Variants in DLGAP2 observed in about 807,000 individuals in gnomAD.
The protein encoded by DLGAP2 is disks large-associated protein 2.
A neutral mutation model predicts 100.3 loss-of-function variants in DLGAP2; 26 were observed. The ratio of observed to expected loss-of-function variants is 0.26; its 90% CI spans 0.19 to 0.36. DLGAP2 has a LOEUF of 0.36. DLGAP2 is among the 10% of genes least tolerant of loss of function. The pLI is 1.00. For synonymous variants in DLGAP2, 886 were observed against 630.1 expected (o/e 1.41, Z -6.08); for missense variants, 1,858 against 1,453.2 (o/e 1.28, Z -4.53).
chr8:783,243 C>G (rs553373299), intron 1 of DLGAP2, among the ~76,000 whole-genome samples: 2 of 152,294 alleles, frequency 1.3e-5, no homozygotes, highest in African/African-American at 4.8e-5. Context: ...CTTCATTGCT[C>G]AGAAATACTA....
chr8:1,483,773 G>A (rs1286119463), intron 3 of DLGAP2, among the ~76,000 whole-genome samples: 3 of 151,868 alleles, frequency 2.0e-5, no homozygotes, highest in Non-Finnish European at 4.4e-5. Flanking sequence ...CAGGACATGG[G>A]GACCAGGGAG....
chr8:1,494,384 C>A (rs369829257), intron 3 of DLGAP2, among the ~76,000 whole-genome samples: 1 of 152,298 alleles, frequency 6.6e-6, no homozygotes, highest in East Asian at 1.9e-4. Context: ...GCATTTCCTC[C>A]TCTTTCTTCC....
rs1342495289 is a variant in DLGAP2 at position 1,703,471 on chromosome 8, G to C, written c.*2065G>C. 6.6e-6 allele frequency: 1 copy of C among 152,408 alleles called. No homozygotes were observed. The highest frequency in any genetic ancestry group is 1.5e-5 in the Non-Finnish European group (1 of 68,026). The allele number at this position is 152,408 out of a possible 1,614,324, so 9.4% of individuals were successfully genotyped here. A position where few individuals can be genotyped will look rare whatever the true frequency, so the allele number is the denominator to read the frequency against. ...TAAAACAAATGTATTTGCGAGTATT[G>C]GCATTTTAGACTTTAAAAATGCTGT... On this transcript the variant is annotated 3_prime_UTR_variant, in exon 15 of 15. Transcript: ENST00000637795.
chr8:1,096,312 A>G (rs1312671455), intron 2 of DLGAP2, among the ~76,000 whole-genome samples: 2 of 152,238 alleles, frequency 1.3e-5, no homozygotes, highest in African/African-American at 4.8e-5. Flanking sequence ...ACTTGGATGC[A>G]GGAGGTTTGT....
At chr8:845,494 C>A (rs1196322021) in intron 1 of DLGAP2, among the ~76,000 whole-genome samples, 2 of 152,084 alleles carry the variant, frequency 1.3e-5, no homozygotes, top group African/African-American at 4.8e-5. Context: ...GATCCTTTGC[C>A]CATTTTAAAC....
chr8:1,178,763 T>C (rs2116696831), intron 2 of DLGAP2, among the ~76,000 whole-genome samples: 1 of 152,320 alleles, frequency 6.6e-6, no homozygotes, highest in East Asian at 1.9e-4. Context: ...TTACCTGCAA[T>C]GATTCTCTGC....
At chr8:1,096,299 G>A (rs1469822459) in intron 2 of DLGAP2, among the ~76,000 whole-genome samples, 1 of 152,204 alleles carries the variant, frequency 6.6e-6, no homozygotes, top group Non-Finnish European at 1.5e-5. Flanking sequence ...CTCTCCCAAG[G>A]AAACTTGGAT....
intron 2 of DLGAP2, among the ~76,000 whole-genome samples, chr8:1,093,272 C>T (rs1197730284): frequency 1.3e-5 from 2 of 151,650 alleles, no homozygotes; most frequent in African/African-American, 4.8e-5. Context: ...AACACCTTCA[C>T]ACCCACAGCC....
At chr8:1,423,438 C>T (rs1030028122) in intron 3 of DLGAP2, among the ~76,000 whole-genome samples, 24 of 152,192 alleles carry the variant, frequency 1.6e-4, no homozygotes, top group African/African-American at 5.6e-4. Flanking sequence ...CTTTGTGCTC[C>T]GCGAGGTCTG....
intron 3 of DLGAP2, among the ~76,000 whole-genome samples, chr8:1,394,209 C>A (rs796566001): frequency 7.1e-4 from 2 of 2,802 alleles, no homozygotes; most frequent in African/African-American, 3.5e-3. Flanking sequence ...ACTGAGCGCC[C>A]CCTCCTCGTC....
rs566300493 is a variant in DLGAP2, at chr8:856,648, A to G, written c.19-51264A>G. 4.6e-5 allele frequency among the ~76,000 whole-genome samples: 7 copies of G among 152,374 alleles called. No homozygotes were observed. In the South Asian group the frequency reaches 1.0e-3, roughly 23 times the overall value. On this transcript the variant is annotated intron_variant, in intron 1 of 14. Transcript: ENST00000637795. ...TACATTAGTACCAAAAAAATGTAAA[A>G]TGCTTAAGTAAAAGTTGAACAAAAT...
chr8:1,518,665 C>G (rs1800481331), intron 4 of DLGAP2, among the ~76,000 whole-genome samples: 1 of 152,124 alleles, frequency 6.6e-6, no homozygotes, highest in Non-Finnish European at 1.5e-5. Flanking sequence ...GTTCTCCCTG[C>G]CATGGACAAT....
chr8:1,451,979 A>G (rs1207798114), intron 3 of DLGAP2, among the ~76,000 whole-genome samples: 2 of 152,260 alleles, frequency 1.3e-5, no homozygotes, highest in African/African-American at 2.4e-5. Context: ...TAAAACGACA[A>G]CAAAATCTAG....
intron 3 of DLGAP2, among the ~76,000 whole-genome samples, chr8:1,303,073 G>A (rs1040131463): frequency 6.6e-6 from 1 of 152,166 alleles, no homozygotes; most frequent in Non-Finnish European, 1.5e-5. Context: ...GGGAGCGAGC[G>A]TCCTTGGAAG....
At chr8:1,431,457 C>A (rs1797435371) in intron 3 of DLGAP2, among the ~76,000 whole-genome samples, 1 of 152,160 alleles carries the variant, frequency 6.6e-6, no homozygotes, top group Non-Finnish European at 1.5e-5. Flanking sequence ...AGACTCTACC[C>A]GTGGGCAAAG....
intron 6 of DLGAP2, among the ~76,000 whole-genome samples, chr8:1,584,429 G>A (rs1796049460): frequency 6.6e-6 from 1 of 152,152 alleles, no homozygotes; most frequent in African/African-American, 2.4e-5. Flanking sequence ...TCAGTTAATA[G>A]GAAGCCATAT....
In DLGAP2 at chr8:990,234, G is replaced by T. The variant is rs543106732; in HGVS notation, c.73+82268G>T. On this transcript the variant is annotated intron_variant, in intron 2 of 14. Transcript: ENST00000637795. ...TTTTCACCTGTTATATTTGTGTCGT[G>T]ATGTTGCCATGTGGGTGCCCAAGTC... 4.6e-5 allele frequency among the ~76,000 whole-genome samples: 7 copies of T among 152,058 alleles called. No individual in the cohort carries two copies. In the South Asian group the frequency reaches 1.5e-3, roughly 32 times the overall value.
chr8:1,581,862 A>G (rs1166637869), intron 6 of DLGAP2, among the ~76,000 whole-genome samples: 3 of 150,958 alleles, frequency 2.0e-5, no homozygotes, highest in Non-Finnish European at 4.4e-5. Context: ...ACCCCCACAC[A>G]TATATACACA....
intron 2 of DLGAP2, among the ~76,000 whole-genome samples, chr8:1,199,930 G>T (rs576400766): frequency 1.6e-3 from 222 of 141,480 alleles, no homozygotes; most frequent in Middle Eastern, 4.0e-3. Flanking sequence ...CCACGAGGTG[G>T]AAGGATTCCC....
Sources: gnomAD v4.1 joint callset for allele counts (sites outside exome capture counted in the v4.1 genomes callset) on GRCh38, gnomAD v4.1.1 for gene constraint, MANE v1.5 for transcripts, NCBI Gene and HGNC (gene_info 2026-07-23, HGNC 2026-07-21) for gene names.